Variants in NGEF observed in about 807,000 individuals in gnomAD.
NGEF encodes neuronal guanine nucleotide exchange factor.
A neutral mutation model predicts 80.9 loss-of-function variants in NGEF; 31 were observed. The ratio of observed to expected loss-of-function variants is 0.38; its 90% CI spans 0.29 to 0.52. The LOEUF (loss-of-function observed/expected upper bound fraction) is 0.52. NGEF is among the 20% of genes least tolerant of loss of function. NGEF has a pLI of 0.84. For missense variants in NGEF, 709 were observed against 926.2 expected (o/e 0.77, Z 3.04); for synonymous variants, 371 against 370.2 (o/e 1.00, Z -0.03).
chr2:232,944,727 A>ATATATATATATATATATATATC (rs1693515866), intron 3 of NGEF, among the ~76,000 whole-genome samples: 1 of 2,078 alleles, frequency 4.8e-4, no homozygotes, highest in African/African-American at 2.1e-3. Flanking sequence ...ACTTTTCCGA[A>ATATATATATATATATATATATC]TATATATATA....
intron 1 of NGEF, among the ~76,000 whole-genome samples, chr2:232,999,919 C>T (rs1016094796): frequency 5.9e-5 from 9 of 152,154 alleles, no homozygotes; most frequent in Non-Finnish European, 1.2e-4. Context: ...ATAAAAAGGT[C>T]GGCTAAAAAT....
Position 232,985,522 on chromosome 2 carries a change from G to A in NGEF, c.-74-10558C>T, listed in dbSNP as rs187359574. 2.3e-3 allele frequency among the ~76,000 whole-genome samples: 350 copies of A among 152,320 alleles called. 4 individuals are homozygous for A. Among genetic ancestry groups the A allele is most frequent in the East Asian group, 0.021 (108 of 5,188 alleles). On this transcript the variant is annotated intron_variant, in intron 1 of 14. Transcript: ENST00000264051. Reference sequence around the variant, plus strand: ...AATTCCAGCACTTTGGGAGGCTGAGGCGGGCGGATCACGAGGTCAGCAGAT... The same window carrying A: ...AATTCCAGCACTTTGGGAGGCTGAGACGGGCGGATCACGAGGTCAGCAGAT...
chr2:232,911,712 T>A (rs1267835430), intron 5 of NGEF, among the ~76,000 whole-genome samples: 1 of 152,230 alleles, frequency 6.6e-6, no homozygotes, highest in Non-Finnish European at 1.5e-5. Flanking sequence ...AGCACAGAGA[T>A]CCTGTCCATG....
intron 1 of NGEF, among the ~76,000 whole-genome samples, chr2:232,979,561 TG>T (rs1694366232): frequency 6.6e-6 from 1 of 152,198 alleles, no homozygotes; most frequent in Non-Finnish European, 1.5e-5. Context: ...CCCAATCTTC[TG>T]ATGTTCCCTT....
At chr2:232,908,689 G>T (rs1322370799) in intron 5 of NGEF, among the ~76,000 whole-genome samples, 1 of 151,962 alleles carries the variant, frequency 6.6e-6, no homozygotes, top group African/African-American at 2.4e-5. Flanking sequence ...ATAGGCATGA[G>T]CCACCATACT....
chr2:232,956,626 G>A (rs1005878013), intron 3 of NGEF, among the ~76,000 whole-genome samples: 15 of 151,994 alleles, frequency 9.9e-5, no homozygotes, highest in African/African-American at 3.6e-4. Flanking sequence ...AAGTAGCTGG[G>A]GATGATGGCA....
intron 5 of NGEF, chr2:232,905,679 T>G (rs770711024): frequency 5.5e-6 from 2 of 360,606 alleles, no homozygotes; most frequent in South Asian, 3.7e-5. Flanking sequence ...CCGGCCGCCA[T>G]CCCATCTAGG....
intron 4 of NGEF, among the ~76,000 whole-genome samples, chr2:232,922,613 C>T (rs1296598422): frequency 6.6e-6 from 1 of 152,226 alleles, no homozygotes; most frequent in African/African-American, 2.4e-5. Context: ...CCGACTATTG[C>T]GACGTCAAGC....
intron 3 of NGEF, among the ~76,000 whole-genome samples, chr2:232,952,916 C>T (rs990527436): frequency 2.2e-5 from 3 of 134,268 alleles, no homozygotes; most frequent in African/African-American, 5.7e-5. Context: ...TGCAGTGAGC[C>T]GAGATCGCAC....
intron 5 of NGEF, among the ~76,000 whole-genome samples, chr2:232,919,397 A>C (rs534677537): frequency 1.1e-4 from 17 of 152,240 alleles, no homozygotes; most frequent in African/African-American, 4.1e-4. Context: ...GAGGACACAA[A>C]TGATGGAACT....
At chr2:232,940,133 T>C (rs2106296018) in intron 3 of NGEF, among the ~76,000 whole-genome samples, 1 of 152,300 alleles carries the variant, frequency 6.6e-6, no homozygotes, top group African/African-American at 2.4e-5. Flanking sequence ...GACTTTGTAA[T>C]GTTGACGGAA....
chr2:232,995,678 TA>T, intron 1 of NGEF, among the ~76,000 whole-genome samples: 1 of 83,588 alleles, frequency 1.2e-5, no homozygotes, highest in Non-Finnish European at 3.2e-5. Flanking sequence ...ATATATGTAT[TA>T]TATATATTAT....
intron 1 of NGEF, 39 bp from the exon 2 acceptor site, chr2:232,975,003 A>T: frequency 1.9e-6 from 2 of 1,043,618 alleles, no homozygotes; most frequent in Non-Finnish European, 2.8e-6. Context: ...GTTAGTCATC[A>T]GGCTAAGTAT....
chr2:232,933,670 T>C (rs1033034959), intron 3 of NGEF, among the ~76,000 whole-genome samples: 1 of 152,216 alleles, frequency 6.6e-6, no homozygotes, highest in Admixed American at 6.5e-5. Flanking sequence ...GGCACTGGCC[T>C]CCCCAGCTCT....
intron 3 of NGEF, among the ~76,000 whole-genome samples, chr2:232,951,952 T>C (rs559969235): frequency 6.6e-6 from 1 of 152,306 alleles, no homozygotes; most frequent in South Asian, 2.1e-4. Flanking sequence ...GAGACGTTTC[T>C]GCCACAGTTG....
At position 232,892,787 on chromosome 2, in the gene NGEF, G is replaced by T; in HGVS notation, c.1142+111C>A. On this transcript the variant is annotated intron_variant, in intron 7 of 14. Coordinates refer to ENST00000264051, the MANE Select transcript of NGEF (RefSeq NM_019850.3). This position sits in a 1 kb window ranked among gnomAD's most constrained non-coding sequence, Gnocchi z 4.0. Reference sequence around the variant, plus strand: ...GGTGGCTCATGTGGACCTTGGGAACGCAGAGGTAAAGGACCATGAAGTGTC... The same window carrying T: ...GGTGGCTCATGTGGACCTTGGGAACTCAGAGGTAAAGGACCATGAAGTGTC... 2.5e-6 allele frequency: 3 copies of T among 1,213,180 alleles called. No homozygotes were observed. The highest frequency in any genetic ancestry group is 2.3e-6 in the Non-Finnish European group (2 of 858,856). 75.2% of individuals were successfully genotyped at this position (1,213,180 alleles called of 1,614,324 possible). A position where few individuals can be genotyped will look rare whatever the true frequency, so the allele number is the denominator to read the frequency against.
At chr2:232,901,349 C>T (rs1392294004) in intron 5 of NGEF, 7 of 985,216 alleles carry the variant, frequency 7.1e-6, no homozygotes, top group East Asian at 1.1e-4. Flanking sequence ...GATTTCTCCT[C>T]CCCGCTCTTT....
chr2:232,891,278 T>C lies in NGEF; in HGVS notation c.1272+80A>G. On this transcript the variant is annotated intron_variant, in intron 8 of 14. Transcript: ENST00000264051. ...GTATCTGTTGAACCAGTAGACCTCC[T>C]AGAAAGCTGACAGGGCCCGGGAATG... 7.0e-6 allele frequency: 11 copies of C among 1,567,840 alleles called. 1 individual carries two copies. In the South Asian group the frequency reaches 1.3e-4, roughly 18 times the overall value.
intron 1 of NGEF, among the ~76,000 whole-genome samples, chr2:233,008,222 T>C (rs768314191): frequency 3.3e-5 from 5 of 152,156 alleles, no homozygotes; most frequent in African/African-American, 1.2e-4. Flanking sequence ...GAGTAGGAAA[T>C]TGAGTTTTCT....
Sources: gnomAD v4.1 joint callset for allele counts (sites outside exome capture counted in the v4.1 genomes callset) on GRCh38, gnomAD v4.1.1 for gene constraint, Gnocchi (gnomAD v3.1) non-coding constraint, MANE v1.5 for transcripts, NCBI Gene and HGNC (gene_info 2026-07-23, HGNC 2026-07-21) for gene names.